Variants in RP1 observed in about 807,000 individuals in gnomAD.
RP1 encodes RP1 axonemal microtubule associated.
RP1 carries 16 observed loss-of-function variants against 14.8 expected under a neutral mutation model. That is an observed-to-expected ratio of 1.08 (90% CI 0.73 to 1.65). The LOEUF is 1.65. RP1 is among the 40% of genes most tolerant of loss of function. The pLI, the probability that RP1 is intolerant of heterozygous loss-of-function variation, is 0.00. For missense variants in RP1, 2,631 were observed against 2,535.0 expected, an observed-to-expected ratio of 1.04 and a Z score of -0.81; for synonymous variants, 876 against 883.6, an observed-to-expected ratio of 0.99 and a Z score of 0.15.
chr8:54,772,364 TA>T (rs1183709739), downstream of RP1, among the ~76,000 whole-genome samples: 1 of 152,032 alleles, frequency 6.6e-6, no homozygotes, highest in Non-Finnish European at 1.5e-5. Context: ...AATTATATAA[TA>T]AAAAATAAGT....
intron 24 of RP1, among the ~76,000 whole-genome samples, chr8:54,827,368 C>T (rs1335299055): frequency 6.7e-6 from 1 of 149,388 alleles, no homozygotes; most frequent in Non-Finnish European, 1.5e-5. Context: ...ACTCTGTTGC[C>T]CAGGCTGGAG....
chr8:54,594,401 G>A (rs2129302082), intron 1 of RP1, among the ~76,000 whole-genome samples: 1 of 152,326 alleles, frequency 6.6e-6, no homozygotes, highest in African/African-American at 2.4e-5. Context: ...GGCAGGCACT[G>A]GTCTATCTTC....
At chr8:54,863,044 G>GATATATATATATATATATAT (rs61233765) in intron 27 of RP1, among the ~76,000 whole-genome samples, 1 of 101,834 alleles carries the variant, frequency 9.8e-6, no homozygotes, top group African/African-American at 3.7e-5. Flanking sequence ...ATTCCAAATG[G>GATATATATATATATATATAT]ATATATATAT....
At chr8:54,662,840 T>C (rs1806931081) in intron 6 of RP1, among the ~76,000 whole-genome samples, 2 of 152,204 alleles carry the variant, frequency 1.3e-5, no homozygotes, top group African/African-American at 4.8e-5. Context: ...ATAGCTGTTC[T>C]ATGCATTCTG....
chr8:54,846,191 A>G (rs916659551), intron 25 of RP1, among the ~76,000 whole-genome samples: 1 of 152,232 alleles, frequency 6.6e-6, no homozygotes, highest in African/African-American at 2.4e-5. Context: ...TAAATATAGT[A>G]TATATTATAA....
At chr8:54,623,341 C>T (rs945788929) in intron 3 of RP1, among the ~76,000 whole-genome samples, 12 of 152,050 alleles carry the variant, frequency 7.9e-5, no homozygotes, top group African/African-American at 2.7e-4. Flanking sequence ...ATTTGAGACA[C>T]TTTGATTTAC....
At chr8:54,717,860 A>C (rs1246636475) in intron 15 of RP1, among the ~76,000 whole-genome samples, 2 of 152,148 alleles carry the variant, frequency 1.3e-5, no homozygotes, top group Non-Finnish European at 2.9e-5. Context: ...TCAACAAAAC[A>C]ATTTCAGAAT....
intron 1 of RP1, among the ~76,000 whole-genome samples, chr8:54,593,527 C>T (rs565540168): frequency 1.3e-5 from 2 of 152,294 alleles, no homozygotes; most frequent in South Asian, 4.1e-4. Context: ...GCCTCTCTGA[C>T]ATCAGCAATT....
chr8:54,797,654 C>T (rs1325736813), intron 24 of RP1, among the ~76,000 whole-genome samples: 1 of 152,064 alleles, frequency 6.6e-6, no homozygotes, highest in Non-Finnish European at 1.5e-5. Flanking sequence ...TTTCAGATAA[C>T]CCTTCTTCCA....
chr8:54,640,802 A>C (rs766116110), intron 3 of RP1, among the ~76,000 whole-genome samples: 1 of 152,260 alleles, frequency 6.6e-6, no homozygotes, highest in South Asian at 2.1e-4. Context: ...TATACTACTT[A>C]GAAGTTACTT....
At chr8:54,837,462 G>T (rs1811686710) in exon 25 of RP1, 4 of 1,226,830 alleles carry the variant, frequency 3.3e-6, no homozygotes, top group South Asian at 4.1e-5. Context: ...TAATCTCAAA[G>T]ATATTGGTGA....
downstream of RP1, among the ~76,000 whole-genome samples, chr8:54,770,389 A>G (rs1809871937): frequency 6.6e-6 from 1 of 151,886 alleles, no homozygotes; most frequent in East Asian, 1.9e-4. Context: ...CTTCTCTTCA[A>G]TAATTTAAAT....
chr8:54,595,259 AG>A (rs564117027), intron 1 of RP1, among the ~76,000 whole-genome samples: 6 of 151,752 alleles, frequency 4.0e-5, no homozygotes, highest in Non-Finnish European at 8.8e-5. Context: ...CCTCCCGAGT[AG>A]CTGGGACTAC....
chr8:54,629,771 C>CAAA lies in RP1; in HGVS notation c.5892_5894dup (p.Lys1964dup). ...TACACCCATATTTACTTCAGACAGA[C>CAAA]AAAAATGTGTTCAGGGAAGAGAACA... is the stretch of plus-strand genomic sequence containing the variant. On this transcript the variant is annotated inframe_insertion, in exon 4 of 4. Coordinates refer to ENST00000220676, the MANE Select transcript of RP1 (RefSeq NM_006269.2). The CAAA allele has an allele frequency of 1.2e-6, 2 of 1,607,464 alleles. No homozygotes were observed. Among genetic ancestry groups the CAAA allele is most frequent in the Non-Finnish European group, 1.7e-6 (2 of 1,177,156 alleles).
At chr8:54,739,394 T>C (rs528231541) in intron 19 of RP1, among the ~76,000 whole-genome samples, 12 of 152,272 alleles carry the variant, frequency 7.9e-5, no homozygotes, top group African/African-American at 2.9e-4. Flanking sequence ...AAATTGTAAG[T>C]TGAACTGTGG....
At chr8:54,724,060 T>C (rs1021209231) in intron 16 of RP1, among the ~76,000 whole-genome samples, 30 of 152,212 alleles carry the variant, frequency 2.0e-4, no homozygotes, top group African/African-American at 6.5e-4. Context: ...TCAAGTCTTA[T>C]GGAAGTTTGC....
intron 25 of RP1, among the ~76,000 whole-genome samples, chr8:54,844,086 G>A (rs1811857121): frequency 6.6e-6 from 1 of 152,104 alleles, no homozygotes; most frequent in Admixed American, 6.6e-5. Flanking sequence ...ATTTGGTTAT[G>A]TCCACCAAGG....
exon 14 of RP1, chr8:54,701,584 T>C: frequency 6.5e-7 from 1 of 1,535,826 alleles, no homozygotes; most frequent in Non-Finnish European, 8.7e-7. Context: ...CAGTTGTTTT[T>C]GATCGTCATG....
intron 15 of RP1, among the ~76,000 whole-genome samples, chr8:54,711,328 T>A (rs1012725705): frequency 2.0e-5 from 3 of 152,178 alleles, no homozygotes; most frequent in Non-Finnish European, 4.4e-5. Context: ...TTCCTATTAT[T>A]TCTGTTAAAA....
Sources: allele counts gnomAD v4.1 joint callset (sites outside exome capture counted in the v4.1 genomes callset), GRCh38; gene constraint gnomAD v4.1.1; transcripts MANE v1.5; gene names NCBI Gene and HGNC (gene_info 2026-07-23, HGNC 2026-07-21).